The following HEXA variants were observed in gnomAD, a reference collection of about 807,000 sequenced individuals.
HEXA encodes the protein hexosaminidase subunit alpha.
HEXA carries 54 observed loss-of-function variants against 73.3 expected under a neutral mutation model. That is an observed-to-expected ratio of 0.74 (90% CI 0.59 to 0.92). The LOEUF (loss-of-function observed/expected upper bound fraction) is 0.92. Among genes scored for constraint, HEXA ranks in the 40% least tolerant of loss-of-function variants. The probability of loss-of-function intolerance (pLI) is 0.00; values close to 1 mark genes in which losing one functional copy is unlikely to be tolerated. For missense variants in HEXA, 649 were observed against 653.0 expected (o/e 0.99, Z 0.07); for synonymous variants, 230 against 246.9 (o/e 0.93, Z 0.64).
chr15:72,350,831 C>A (rs1417611386), intron 6 of HEXA, 181 bp from the exon 7 acceptor site: 2 of 668,012 alleles, frequency 3.0e-6, no homozygotes, highest in African/African-American at 3.6e-5. Flanking sequence ...TCTGTTTTAT[C>A]TGAGTATCAT....
intron 9 of HEXA, 25 bp downstream of exon 9, chr15:72,348,023 C>G: frequency 6.5e-7 from 1 of 1,546,134 alleles, no homozygotes; most frequent in Non-Finnish European, 8.9e-7. Context: ...CCAAGGGACC[C>G]CACCCACCCT....
chr15:72,356,103 T>G (rs546155561), intron 2 of HEXA: 3 of 387,278 alleles, frequency 7.7e-6, no homozygotes, highest in Admixed American at 6.7e-5. Flanking sequence ...CTGTTCACTT[T>G]GGAGACTGAG....
intron 8 of HEXA, among the ~76,000 whole-genome samples, chr15:72,348,798 C>A (rs1001010181): frequency 6.6e-6 from 1 of 152,210 alleles, no homozygotes; most frequent in Admixed American, 6.5e-5. Context: ...TTATTTTTCT[C>A]TATCCCGAAC....
At position 72,342,609 on chromosome 15, in the gene HEXA, G is replaced by T. The variant is rs1358141089; in HGVS notation, c.*1468C>A. 1 of 152,196 alleles carries T rather than the reference G, an allele frequency of 6.6e-6. No homozygotes were observed. The highest frequency in any genetic ancestry group is 2.1e-4 in the South Asian group (1 of 4,822). 9.4% of individuals were successfully genotyped at this position (152,196 alleles called of 1,614,324 possible). ...GGAGGGGGCAGTCTGGGTCCACGAC[G>T]AGACATTTCCTTCTAGAGAAAATCA... On this transcript the variant is annotated 3_prime_UTR_variant, in exon 14 of 14. Coordinates refer to ENST00000268097, the MANE Select transcript of HEXA (RefSeq NM_000520.6).
intron 1 of HEXA, among the ~76,000 whole-genome samples, chr15:72,363,844 C>T (rs1218593672): frequency 6.6e-6 from 1 of 151,910 alleles, no homozygotes; most frequent in Non-Finnish European, 1.5e-5. Flanking sequence ...AACCCTATCC[C>T]CACTGGAAAG....
chr15:72,375,650 G>C (rs1293559215), intron 1 of HEXA, 70 bp downstream of exon 1: 1 of 1,573,082 alleles, frequency 6.4e-7, no homozygotes, highest in Non-Finnish European at 8.7e-7. Context: ...CGTCTCTGGA[G>C]CCCTGGGGGA....
intron 1 of HEXA, among the ~76,000 whole-genome samples, chr15:72,367,894 C>T (rs921010852): frequency 6.6e-6 from 1 of 152,224 alleles, no homozygotes; most frequent in Admixed American, 6.5e-5. Context: ...TCAATGTGCA[C>T]TTTCTCCTTT....
At chr15:72,350,903 C>G in intron 6 of HEXA, 1 of 622,300 alleles carries the variant, frequency 1.6e-6, no homozygotes, top group Non-Finnish European at 2.8e-6. Flanking sequence ...AATATAAATA[C>G]ATAAAAAGGG....
At chr15:72,346,862 C>T (rs2088622050) in intron 10 of HEXA, 152 bp from the exon 11 acceptor site, 10 of 763,262 alleles carry the variant, frequency 1.3e-5, no homozygotes, top group Non-Finnish European at 2.1e-5. Flanking sequence ...ATTGAGCTCA[C>T]ACCTCAGGAC....
chr15:72,366,643 A>G (rs796443122), intron 1 of HEXA, among the ~76,000 whole-genome samples: 6 of 151,978 alleles, frequency 3.9e-5, no homozygotes, highest in African/African-American at 1.4e-4. Context: ...CCTGTTGCCC[A>G]GTATTCCTCT....
At chr15:72,370,405 T>C (rs958165388) in intron 1 of HEXA, 3 of 385,038 alleles carry the variant, frequency 7.8e-6, no homozygotes, top group African/African-American at 6.2e-5. Context: ...AGTATCATGC[T>C]TTAGGTAATA....
chr15:72,350,559 G>A lies in HEXA; in HGVS notation c.764C>T (p.Ala255Val), dbSNP rs370576428. Residue 255 changes from alanine to valine, a missense_variant, in exon 7 of 14, where the codon GCA (alanine) becomes GTA (valine). Transcript: ENST00000268097. ...YARLRGIRVL[A>V]EFDTPGHTLS... ...AGTGTGGCCAGGAGTGTCAAACTCT[G>A]CAAGCACACGGATACCCCGGAGCCG... is the stretch of plus-strand genomic sequence containing the variant. 6.2e-7 allele frequency: 1 copy of A among 1,614,118 alleles called. No homozygotes were observed. Among genetic ancestry groups the A allele is most frequent in the Non-Finnish European group, 8.5e-7 (1 of 1,180,018 alleles).
At chr15:72,351,100 C>G (rs752356903) in intron 6 of HEXA, 33 bp downstream of exon 6, 1 of 1,341,698 alleles carries the variant, frequency 7.5e-7, no homozygotes, top group Non-Finnish European at 1.1e-6. Context: ...GACATTGACC[C>G]ATAAACTTGG....
chr15:72,369,002 C>T (rs554158943), intron 1 of HEXA, among the ~76,000 whole-genome samples: 124 of 152,318 alleles, frequency 8.1e-4, no homozygotes, highest in Non-Finnish European at 1.4e-3. Flanking sequence ...AACACCCATA[C>T]GTCCTGTATT....
intron 2 of HEXA, chr15:72,355,978 T>C (rs2088772983): frequency 2.1e-6 from 1 of 473,184 alleles, no homozygotes; most frequent in Non-Finnish European, 4.2e-6. Flanking sequence ...CAGGGATGCC[T>C]GCAGGGGTGA....
chr15:72,370,994 T>C (rs1412199919), intron 1 of HEXA, among the ~76,000 whole-genome samples: 2 of 152,182 alleles, frequency 1.3e-5, no homozygotes, highest in Admixed American at 6.5e-5. Flanking sequence ...TTTAAAACAA[T>C]AAACTTAGTG....
chr15:72,358,471 T>A (rs2088813036), intron 1 of HEXA: 1 of 152,254 alleles, frequency 6.6e-6, no homozygotes. Context: ...TTTCGATTTT[T>A]AAAAAATTTA....
At position 72,350,669 on chromosome 15, in the gene HEXA, C is replaced by A; in HGVS notation, c.673-19G>T. On this transcript the variant is annotated intron_variant, in intron 6 of 13. Transcript: ENST00000268097. ...AGGACCCCTGAAAGGCACAAGACAC[C>A]CTTCAGGTTCACACTTCCTGAAAGC... 4 of 1,613,946 alleles carry A rather than the reference C, an allele frequency of 2.5e-6. No homozygotes were observed. The highest frequency in any genetic ancestry group is 3.4e-6 in the Non-Finnish European group (4 of 1,179,946).
chr15:72,348,961 T>A, intron 8 of HEXA, 118 bp downstream of exon 8: 3 of 839,260 alleles, frequency 3.6e-6, no homozygotes, highest in Non-Finnish European at 6.2e-6. Flanking sequence ...ACCTGAGCAA[T>A]GTGAGCCCAT....
Sources: gnomAD v4.1 joint callset for allele counts (sites outside exome capture counted in the v4.1 genomes callset) on GRCh38, gnomAD v4.1.1 for gene constraint, MANE v1.5 for transcripts, NCBI Gene and HGNC (gene_info 2026-07-23, HGNC 2026-07-21) for gene names.